VCL: variants seen among roughly 807,000 people sequenced by gnomAD.
The protein encoded by VCL is vinculin, also known as epididymis luminal protein 114.
VCL carries 47 observed loss-of-function variants against 125.7 expected under a neutral mutation model. That is an observed-to-expected ratio of 0.37 (90% CI 0.30 to 0.48). VCL has a LOEUF of 0.48. Among genes scored for constraint, VCL ranks in the 20% least tolerant of loss-of-function variants. The pLI is 0.99. For missense variants in VCL, 1,069 were observed against 1,455.5 expected, an observed-to-expected ratio of 0.73 and a Z score of 4.32; for synonymous variants, 458 against 514.6, an observed-to-expected ratio of 0.89 and a Z score of 1.49.
chr10:74,010,404 T>G (rs1840411357), intron 1 of VCL, among the ~76,000 whole-genome samples: 1 of 152,220 alleles, frequency 6.6e-6, no homozygotes, highest in Non-Finnish European at 1.5e-5. Context: ...ATGCTGTGTC[T>G]TCATATAGTC....
chr10:74,089,048 G>A (rs1322317828), intron 8 of VCL, 148 bp from the exon 9 acceptor site: 2 of 1,186,388 alleles, frequency 1.7e-6, no homozygotes, highest in Non-Finnish European at 2.4e-6. Flanking sequence ...CTTTGTTTAT[G>A]TCTGTTTTCT....
chr10:74,109,936 A>G (rs1347225973), intron 18 of VCL, among the ~76,000 whole-genome samples: 1 of 151,756 alleles, frequency 6.6e-6, no homozygotes, highest in East Asian at 1.9e-4. Flanking sequence ...TATTCCCACC[A>G]CCTATTTGCC....
chr10:74,089,458 T>C (rs1839842346), intron 9 of VCL, 109 bp downstream of exon 9: 5 of 1,533,046 alleles, frequency 3.3e-6, no homozygotes, highest in South Asian at 2.3e-5. Flanking sequence ...GGTTGGATAA[T>C]GGTTTCTAAG....
intron 1 of VCL, among the ~76,000 whole-genome samples, chr10:74,018,177 G>GAGATATATATATATATATATAT (rs113828874): frequency 9.8e-5 from 8 of 81,880 alleles, no homozygotes; most frequent in African/African-American, 2.2e-4. Context: ...ATATATATAG[G>GAGATATATATATATATATATAT]ATATATATAT....
At chr10:74,108,130 A>G (rs1840166360) in intron 17 of VCL, among the ~76,000 whole-genome samples, 1 of 152,220 alleles carries the variant, frequency 6.6e-6, no homozygotes. Context: ...GCTAAGGAAC[A>G]GTGTTTCCCA....
intron 1 of VCL, among the ~76,000 whole-genome samples, chr10:74,039,798 A>T: frequency 6.6e-6 from 1 of 150,430 alleles, no homozygotes; most frequent in East Asian, 1.9e-4. Context: ...AAAGAAAAGA[A>T]AAAGTCAGAT....
At chr10:74,024,110 A>G (rs930985243) in intron 1 of VCL, among the ~76,000 whole-genome samples, 11 of 152,178 alleles carry the variant, frequency 7.2e-5, no homozygotes, top group African/African-American at 2.7e-4. Flanking sequence ...GAATATTATA[A>G]AACTTATAAT....
At chr10:74,053,188 C>G (rs982075426) in intron 2 of VCL, among the ~76,000 whole-genome samples, 1 of 152,012 alleles carries the variant, frequency 6.6e-6, no homozygotes, top group African/African-American at 2.4e-5. Context: ...ATCTAAAACT[C>G]CCTGTATCTG....
At chr10:74,039,627 A>T (rs1841056613) in intron 1 of VCL, among the ~76,000 whole-genome samples, 1 of 151,930 alleles carries the variant, frequency 6.6e-6, no homozygotes, top group Admixed American at 6.6e-5. Flanking sequence ...TACAAAATAA[A>T]AAAAAAAAAT....
At position 74,010,420 on chromosome 10, in the gene VCL, G is replaced by T. The variant is rs572949014; in HGVS notation, c.168+12045G>T. 4.6e-5 allele frequency among the ~76,000 whole-genome samples: 7 copies of T among 152,178 alleles called. No individual in the cohort carries two copies. In the South Asian group the frequency reaches 1.5e-3, roughly 32 times the overall value. On this transcript the variant is annotated intron_variant, in intron 1 of 21. Transcript: ENST00000211998. The stretch of plus-strand genomic sequence containing the variant: ...TGCTGTGTCTTCATATAGTCTGAAA[G>T]AATAATTTTTCTTGTTACAAAATAA...
intron 9 of VCL, 87 bp downstream of exon 9, chr10:74,089,436 A>T: frequency 6.3e-7 from 1 of 1,576,590 alleles, no homozygotes; most frequent in African/African-American, 1.3e-5. Context: ...TCTGTCTCTT[A>T]TCATTTACTG....
chr10:74,069,858 A>G (rs1841635321), intron 2 of VCL, among the ~76,000 whole-genome samples: 1 of 152,194 alleles, frequency 6.6e-6, no homozygotes, highest in African/African-American at 2.4e-5. Context: ...TTTTAAATGA[A>G]TCCCCCGCCC....
At chr10:74,069,036 C>A (rs559317990) in intron 2 of VCL, among the ~76,000 whole-genome samples, 1 of 151,782 alleles carries the variant, frequency 6.6e-6, no homozygotes, top group Admixed American at 6.6e-5. Flanking sequence ...TTATATACTG[C>A]CTTATGTTTT....
At chr10:74,101,571 C>T (rs564812274) in intron 14 of VCL, among the ~76,000 whole-genome samples, 7 of 99,438 alleles carry the variant, frequency 7.0e-5, no homozygotes, top group African/African-American at 1.4e-4. Context: ...TTTTTTGAGA[C>T]GGAGTCTCGC....
At chr10:74,084,937 C>T (rs1361427149) in intron 8 of VCL, among the ~76,000 whole-genome samples, 1 of 151,942 alleles carries the variant, frequency 6.6e-6, no homozygotes, top group Non-Finnish European at 1.5e-5. Context: ...AATGACATGG[C>T]CTTGCTCTGT....
chr10:74,100,923 T>A (rs958717657), intron 13 of VCL, 25 bp from the exon 14 acceptor site: 1 of 1,613,572 alleles, frequency 6.2e-7, no homozygotes, highest in African/African-American at 1.3e-5. Context: ...AAATAAATGT[T>A]CTTAATATCT....
intron 2 of VCL, among the ~76,000 whole-genome samples, chr10:74,054,735 A>G (rs1046911285): frequency 6.6e-6 from 1 of 152,148 alleles, no homozygotes; most frequent in Non-Finnish European, 1.5e-5. Flanking sequence ...AGTGTAGCCA[A>G]CATGGTGAAA....
rs118097177 is a variant in VCL at position 74,000,935 on chromosome 10, C to T, written c.168+2560C>T. 7.6e-4 allele frequency among the ~76,000 whole-genome samples: 116 copies of T among 152,296 alleles called. 2 individuals carry two copies. In the East Asian group the frequency reaches 0.021, roughly 27 times the overall value. ...CAGAGACAAAGTAGGGAGGATTGTG[C>T]TGATAAATAGTTAATCATGAACAAA... On this transcript the variant is annotated intron_variant, in intron 1 of 21. Coordinates refer to ENST00000211998, the MANE Select transcript of VCL (RefSeq NM_014000.3).
At chr10:74,026,376 C>A (rs1840773006) in intron 1 of VCL, among the ~76,000 whole-genome samples, 1 of 152,180 alleles carries the variant, frequency 6.6e-6, no homozygotes, top group Admixed American at 6.5e-5. Context: ...TAAATAATTT[C>A]TTTCTAGCTT....
Sources: allele counts gnomAD v4.1 joint callset (sites outside exome capture counted in the v4.1 genomes callset), GRCh38; gene constraint gnomAD v4.1.1; transcripts MANE v1.5; gene names NCBI Gene and HGNC (gene_info 2026-07-23, HGNC 2026-07-21).